CAMTA1: variants seen among roughly 807,000 people sequenced by gnomAD.
CAMTA1 encodes the protein calmodulin-binding transcription activator 1.
Under a neutral mutation model 170.9 loss-of-function variants are expected in CAMTA1, and 27 were observed. That is an observed-to-expected ratio of 0.16 (90% CI 0.12 to 0.22). The LOEUF is 0.22. CAMTA1 is among the 10% of genes least tolerant of loss of function. The pLI, the probability that CAMTA1 is intolerant of heterozygous loss-of-function variation, is 1.00. For missense variants in CAMTA1, 1,619 were observed against 2,217.2 expected (o/e 0.73, Z 5.42); for synonymous variants, 833 against 891.5 (o/e 0.93, Z 1.17).
intron 11 of CAMTA1, among the ~76,000 whole-genome samples, chr1:7,717,715 G>A (rs1025701025): frequency 2.6e-5 from 4 of 151,812 alleles, no homozygotes; most frequent in Non-Finnish European, 4.4e-5. Context: ...GCAACAAAGC[G>A]AGACCCTGTC....
At chr1:6,836,608 T>C (rs573120421) in intron 3 of CAMTA1, among the ~76,000 whole-genome samples, 3 of 152,182 alleles carry the variant, frequency 2.0e-5, no homozygotes, top group Non-Finnish European at 4.4e-5. Flanking sequence ...TGTGTGCATG[T>C]GCGCGTATGT....
At chr1:7,392,702 G>A (rs1055730790) in intron 5 of CAMTA1, among the ~76,000 whole-genome samples, 7 of 151,910 alleles carry the variant, frequency 4.6e-5, no homozygotes, top group Non-Finnish European at 8.8e-5. Flanking sequence ...GGCAAAACCC[G>A]TCTCTACTAA....
chr1:7,705,100 C>T (rs2096497158), intron 11 of CAMTA1, among the ~76,000 whole-genome samples: 1 of 150,084 alleles, frequency 6.7e-6, no homozygotes, highest in African/African-American at 2.4e-5. Flanking sequence ...GGCGTGTTTA[C>T]GCGCGGCAGG....
rs2092832218 is a variant in CAMTA1, at chr1:7,451,844, C to A, written c.439-15986C>A. Among the ~76,000 whole-genome samples the A allele has an allele frequency of 3.3e-5, 5 of 152,330 alleles. No individual in the cohort carries two copies. In the South Asian group the frequency reaches 1.0e-3, roughly 32 times the overall value. On this transcript the variant is annotated intron_variant, in intron 5 of 22. Transcript: ENST00000303635. ...TCTGAGCTGGGTCCCAGCAACACAC[C>A]ATTGTCCAGTAGCTCTGCTGGGCCG...
intron 6 of CAMTA1, among the ~76,000 whole-genome samples, chr1:7,593,489 C>CT (rs35614673): frequency 0.023 from 3,052 of 134,182 alleles, 154 homozygotes; most frequent in African/African-American, 0.073. Context: ...AATCCTAGCA[C>CT]TTTTTTTTTT....
chr1:7,453,275 C>A (rs1231157469), intron 5 of CAMTA1, among the ~76,000 whole-genome samples: 1 of 152,220 alleles, frequency 6.6e-6, no homozygotes, highest in South Asian at 2.1e-4. Context: ...CCAGAATGAG[C>A]CACACGGGGT....
chr1:7,444,675 A>G (rs887119977), intron 5 of CAMTA1, among the ~76,000 whole-genome samples: 1 of 152,242 alleles, frequency 6.6e-6, no homozygotes, highest in African/African-American at 2.4e-5. Context: ...TTCTGCCTGG[A>G]GGAATTAGAG....
chr1:7,011,295 C>T (rs1410973964), intron 3 of CAMTA1, among the ~76,000 whole-genome samples: 1 of 152,160 alleles, frequency 6.6e-6, no homozygotes, highest in African/African-American at 2.4e-5. Flanking sequence ...ACCTCTGCCT[C>T]TTGGGTTCAA....
chr1:6,917,801 G>A (rs1042386981), intron 3 of CAMTA1, among the ~76,000 whole-genome samples: 11 of 133,630 alleles, frequency 8.2e-5, no homozygotes, highest in East Asian at 7.3e-4. Flanking sequence ...AGGGGGCCCC[G>A]AGAAAGACGC....
At chr1:6,805,992 T>C (rs1644474734) in intron 1 of CAMTA1, among the ~76,000 whole-genome samples, 1 of 152,232 alleles carries the variant, frequency 6.6e-6, no homozygotes, top group Non-Finnish European at 1.5e-5. Flanking sequence ...TCTGTAGTTT[T>C]AGCTCTGACA....
chr1:7,449,803 A>G (rs2092775990), intron 5 of CAMTA1, among the ~76,000 whole-genome samples: 1 of 151,640 alleles, frequency 6.6e-6, no homozygotes. Flanking sequence ...GAAAGAAAAA[A>G]GAAAAGAAAG....
intron 5 of CAMTA1, among the ~76,000 whole-genome samples, chr1:7,344,164 G>T (rs965670699): frequency 3.3e-5 from 5 of 152,236 alleles, no homozygotes; most frequent in South Asian, 2.1e-4. Context: ...GAGATGAGAT[G>T]ATTGAGGGCT....
intron 4 of CAMTA1, among the ~76,000 whole-genome samples, chr1:7,225,082 G>A (rs1416335678): frequency 6.6e-6 from 1 of 151,802 alleles, no homozygotes; most frequent in Non-Finnish European, 1.5e-5. Context: ...TACTGATCTT[G>A]GCAGATCTCT....
intron 16 of CAMTA1, among the ~76,000 whole-genome samples, chr1:7,741,573 AATGTT>A (rs2096816553): frequency 6.6e-6 from 1 of 151,768 alleles, no homozygotes; most frequent in Admixed American, 6.6e-5. Context: ...AAAAAAAAAA[AATGTT>A]AAGTTGGTAG....
At chr1:7,264,842 A>G (rs1253576739) in intron 5 of CAMTA1, among the ~76,000 whole-genome samples, 1 of 152,198 alleles carries the variant, frequency 6.6e-6, no homozygotes, top group Non-Finnish European at 1.5e-5. Context: ...CAGAAAGAGC[A>G]TCTGTTTGAC....
intron 6 of CAMTA1, among the ~76,000 whole-genome samples, chr1:7,471,143 C>T (rs1355838516): frequency 6.6e-6 from 1 of 152,220 alleles, no homozygotes; most frequent in Non-Finnish European, 1.5e-5. Flanking sequence ...ATCGGGCTTT[C>T]AGGGGAGGGT....
At chr1:7,328,673 C>T (rs560772228) in intron 5 of CAMTA1, among the ~76,000 whole-genome samples, 66 of 151,704 alleles carry the variant, frequency 4.4e-4, no homozygotes, top group African/African-American at 1.6e-3. Flanking sequence ...TTAGTAATAT[C>T]TTTTTATTTG....
intron 5 of CAMTA1, among the ~76,000 whole-genome samples, chr1:7,250,850 T>A (rs74051686): frequency 0.022 from 3,377 of 152,346 alleles, 110 homozygotes; most frequent in African/African-American, 0.076. Flanking sequence ...TGTGGTTTAA[T>A]TGACTGCACA....
At chr1:7,235,452 C>T (rs1663644538) in intron 4 of CAMTA1, among the ~76,000 whole-genome samples, 1 of 152,128 alleles carries the variant, frequency 6.6e-6, no homozygotes, top group African/African-American at 2.4e-5. Flanking sequence ...TGGCGAAACC[C>T]CTGTGTCTAC....
Sources: gnomAD v4.1 joint callset for allele counts (sites outside exome capture counted in the v4.1 genomes callset) on GRCh38, gnomAD v4.1.1 for gene constraint, MANE v1.5 for transcripts, NCBI Gene and HGNC (gene_info 2026-07-23, HGNC 2026-07-21) for gene names.